Variants in NAV3 observed in about 807,000 individuals in gnomAD.
NAV3 encodes the protein neuron navigator 3, also known as pore membrane and/or filament interacting like protein 1.
A neutral mutation model predicts 244.7 loss-of-function variants in NAV3; 87 were observed. The ratio of observed to expected loss-of-function variants is 0.36; its 90% confidence interval spans 0.30 to 0.42. The LOEUF (loss-of-function observed/expected upper bound fraction) is 0.42. NAV3 is among the 20% of genes least tolerant of loss of function. NAV3 has a pLI of 1.00. For missense variants in NAV3, 2,663 were observed against 2,893.3 expected (o/e 0.92, Z 1.83); for synonymous variants, 1,126 against 1,042.2 (o/e 1.08, Z -1.55).
chr12:77,662,002 T>C (rs543299744), intron 2 of NAV3, among the ~76,000 whole-genome samples: 1 of 149,830 alleles, frequency 6.7e-6, no homozygotes, highest in Admixed American at 6.6e-5. Context: ...TTTGACTTTC[T>C]TTTTCAAAAT....
intron 5 of NAV3, among the ~76,000 whole-genome samples, chr12:77,992,682 A>C (rs1871651612): frequency 6.6e-6 from 1 of 152,232 alleles, no homozygotes. Flanking sequence ...ATTACTAAGT[A>C]AACAATGCAT....
intron 2 of NAV3, among the ~76,000 whole-genome samples, chr12:77,617,305 G>A (rs1871180247): frequency 6.6e-6 from 1 of 152,116 alleles, no homozygotes; most frequent in South Asian, 2.1e-4. Context: ...TTCCTAAATG[G>A]AGTACAGCTG....
At chr12:77,892,062 T>C (rs1479768978) in intron 1 of NAV3, among the ~76,000 whole-genome samples, 2 of 152,196 alleles carry the variant, frequency 1.3e-5, no homozygotes, top group African/African-American at 4.8e-5. Flanking sequence ...ATGGAACACT[T>C]TTTATAATTA....
intron 2 of NAV3, among the ~76,000 whole-genome samples, chr12:77,801,664 A>G (rs1871715808): frequency 6.6e-6 from 1 of 152,166 alleles, no homozygotes; most frequent in African/African-American, 2.4e-5. Context: ...AACTTGGTAT[A>G]TAAAACTTAA....
At chr12:78,071,213 T>G (rs1378542190) in intron 12 of NAV3, among the ~76,000 whole-genome samples, 5 of 152,178 alleles carry the variant, frequency 3.3e-5, no homozygotes, top group Non-Finnish European at 1.5e-5. Context: ...CTCCAGCACC[T>G]GCTGTTTCCT....
intron 1 of NAV3, among the ~76,000 whole-genome samples, chr12:77,884,435 C>T (rs986218256): frequency 4.6e-5 from 7 of 152,096 alleles, no homozygotes; most frequent in Admixed American, 4.6e-4. Flanking sequence ...GCTCCAGAAC[C>T]AGGGAAGCTG....
intron 3 of NAV3, among the ~76,000 whole-genome samples, chr12:77,946,350 C>A (rs529162026): frequency 9.2e-5 from 14 of 151,456 alleles, no homozygotes; most frequent in Admixed American, 3.3e-4. Flanking sequence ...ATCCCAACAA[C>A]AATTCTTTTG....
Position 78,133,898 on chromosome 12 carries a change from A to T in NAV3, c.4442-3279A>T, listed in dbSNP as rs373382760. ...AGATCCATTCAAAGCCAGGAGACAC[A>T]CAAGAATTTCTAAATAGAAGAGAAA... is the stretch of plus-strand genomic sequence containing the variant. On this transcript the variant is annotated intron_variant, in intron 18 of 39. Coordinates refer to ENST00000397909, the MANE Select transcript of NAV3 (RefSeq NM_001024383.2). 2.6e-5 allele frequency among the ~76,000 whole-genome samples: 4 copies of T among 152,200 alleles called. No individual in the cohort carries two copies. In the East Asian group the frequency reaches 7.7e-4, roughly 29 times the overall value.
chr12:77,962,784 A>G (rs1419519436), intron 3 of NAV3, among the ~76,000 whole-genome samples: 6 of 152,170 alleles, frequency 3.9e-5, no homozygotes, highest in Non-Finnish European at 5.9e-5. Flanking sequence ...TAAACAGAAG[A>G]CAGTACAGTG....
chr12:77,623,252 T>C (rs1871464141), intron 2 of NAV3, among the ~76,000 whole-genome samples: 1 of 152,156 alleles, frequency 6.6e-6, no homozygotes, highest in Admixed American at 6.5e-5. Flanking sequence ...AAAAATAAAA[T>C]AACAAAATTA....
At chr12:77,641,137 G>C (rs1872391822) in intron 2 of NAV3, among the ~76,000 whole-genome samples, 1 of 151,916 alleles carries the variant, frequency 6.6e-6, no homozygotes, top group African/African-American at 2.4e-5. Context: ...CAGATCAAAA[G>C]TTTTTTTTCT....
chr12:77,804,090 C>G (rs1173766425), intron 2 of NAV3, among the ~76,000 whole-genome samples: 1 of 152,106 alleles, frequency 6.6e-6, no homozygotes, highest in African/African-American at 2.4e-5. Context: ...CCTGTTCACT[C>G]TGATGATAGT....
chr12:77,915,997 C>T (rs1887104755), intron 1 of NAV3, among the ~76,000 whole-genome samples: 1 of 151,850 alleles, frequency 6.6e-6, no homozygotes, highest in African/African-American at 2.4e-5. Flanking sequence ...GAAAATAAAG[C>T]AATGTAATGG....
At chr12:77,997,237 CAAAAAAAAAAAAAAAA>C (rs139557569) in intron 6 of NAV3, among the ~76,000 whole-genome samples, 1 of 78,732 alleles carries the variant, frequency 1.3e-5, no homozygotes, top group Non-Finnish European at 2.5e-5. Flanking sequence ...CACCCTGTCT[CAAAAAAAAAAAAAAAA>C]AAAAAAAAGA....
intron 2 of NAV3, among the ~76,000 whole-genome samples, chr12:77,791,473 G>C (rs748181011): frequency 7.2e-5 from 11 of 152,100 alleles, no homozygotes; most frequent in African/African-American, 1.4e-4. Flanking sequence ...AACAAGACCC[G>C]TGATAAGATC....
chr12:77,877,687 C>T (rs1280496521), intron 1 of NAV3, among the ~76,000 whole-genome samples: 1 of 152,004 alleles, frequency 6.6e-6, no homozygotes, highest in African/African-American at 2.4e-5. Flanking sequence ...GAAAATTCTC[C>T]ACCTGAAGGA....
At chr12:78,012,035 A>G (rs775464955) in intron 8 of NAV3, among the ~76,000 whole-genome samples, 2 of 152,090 alleles carry the variant, frequency 1.3e-5, no homozygotes, top group Non-Finnish European at 2.9e-5. Context: ...CCCTCTACAC[A>G]TGGGGATTAC....
chr12:77,884,370 T>C (rs1393248572), intron 1 of NAV3, among the ~76,000 whole-genome samples: 1 of 152,098 alleles, frequency 6.6e-6, no homozygotes, highest in Non-Finnish European at 1.5e-5. Flanking sequence ...CAGTAGGATG[T>C]CTACAAGCTG....
intron 1 of NAV3, among the ~76,000 whole-genome samples, chr12:77,903,919 G>T (rs1222625544): frequency 6.6e-6 from 1 of 152,182 alleles, no homozygotes. Flanking sequence ...GGCCATCAGA[G>T]AAATGCAAAT....
Sources: allele counts gnomAD v4.1 joint callset (sites outside exome capture counted in the v4.1 genomes callset), GRCh38; gene constraint gnomAD v4.1.1; transcripts MANE v1.5; gene names NCBI Gene and HGNC (gene_info 2026-07-23, HGNC 2026-07-21).